The following MCM9 variants were observed in gnomAD, a reference collection of about 807,000 sequenced individuals.
MCM9 encodes the protein minichromosome maintenance 9 homologous recombination repair factor.
In MCM9, 55 loss-of-function variants were observed where a neutral mutation model predicts 72.8. That is an observed-to-expected ratio of 0.76 (90% CI 0.61 to 0.95). MCM9 has a LOEUF of 0.95. Among genes scored for constraint, MCM9 ranks in the 40% least tolerant of loss-of-function variants. The pLI is 0.00. For missense variants in MCM9, 1,279 were observed against 1,377.0 expected (o/e 0.93, Z 1.13); for synonymous variants, 480 against 503.4 (o/e 0.95, Z 0.62).
intron 7 of MCM9, 117 bp downstream of exon 7, chr6:118,913,178 T>A (rs1216836822): frequency 1.7e-6 from 2 of 1,200,568 alleles, no homozygotes; most frequent in Non-Finnish European, 2.3e-6. Flanking sequence ...AACTGTCAGT[T>A]TTATAAGATT....
At chr6:118,876,138 C>T (rs1777916813) in intron 8 of MCM9, among the ~76,000 whole-genome samples, 3 of 152,172 alleles carry the variant, frequency 2.0e-5, no homozygotes, top group African/African-American at 7.2e-5. Context: ...GAAAATACTA[C>T]ATACTGTATG....
chr6:118,826,118 G>A, intron 13 of MCM9, 29 bp downstream of exon 13: 1 of 1,535,036 alleles, frequency 6.5e-7, no homozygotes, highest in Non-Finnish European at 8.8e-7. Context: ...ATTTTCCATT[G>A]TATGCCTTTC....
intron 10 of MCM9, 132 bp downstream of exon 10, chr6:118,828,916 T>C (rs1471957965): frequency 5.3e-6 from 5 of 935,850 alleles, no homozygotes; most frequent in Admixed American, 2.7e-5. Context: ...CTGCTTTCTG[T>C]CTAAGCTTTT....
At chr6:118,852,891 CTATA>C (rs1776319009) in intron 9 of MCM9, among the ~76,000 whole-genome samples, 1 of 152,138 alleles carries the variant, frequency 6.6e-6, no homozygotes, top group African/African-American at 2.4e-5. Flanking sequence ...GAATAACAAA[CTATA>C]TAGCCTTTTG....
intron 8 of MCM9, among the ~76,000 whole-genome samples, chr6:118,882,437 C>T (rs1315820221): frequency 6.6e-6 from 1 of 152,156 alleles, no homozygotes; most frequent in Non-Finnish European, 1.5e-5. Flanking sequence ...AACCATAGGC[C>T]AGCTAGTTTA....
At chr6:118,859,337 T>C (rs973966959) in intron 8 of MCM9, among the ~76,000 whole-genome samples, 1 of 152,160 alleles carries the variant, frequency 6.6e-6, no homozygotes, top group African/African-American at 2.4e-5. Context: ...AGAAAATAGC[T>C]GTGAATTCTT....
rs765127216 is a variant in MCM9, at chr6:118,913,365, T to A, written c.960A>T (p.Val320=). The stretch of plus-strand genomic sequence containing the variant: ...CCAGCACCATGGCCACAGCAAGCTT[T>A]ACTAGATACATTCCAAACACTTGAG... ...LCPQVFGMYL[V]KLAVAMVLAG... Residue 320 remains valine, a synonymous_variant, in exon 7 of 14, where the codon GTA becomes GTT. Transcript: ENST00000619706. 5 of 1,614,018 alleles carry A rather than the reference T, an allele frequency of 3.1e-6. No individual in the cohort carries two copies. The Admixed American group carries it at 5.0e-5, about 16-fold the overall frequency.
chr6:118,923,029 C>CAAAAAAAAAAAAAAAAAAAAAAAAA, intron 4 of MCM9, among the ~76,000 whole-genome samples: 1 of 43,526 alleles, frequency 2.3e-5, no homozygotes, highest in Non-Finnish European at 5.1e-5. Flanking sequence ...AACTCCATCT[C>CAAAAAAAAAAAAAAAAAAAAAAAAA]AAAAAAAAAA....
At chr6:118,892,700 T>TTA (rs1176946120) in intron 8 of MCM9, among the ~76,000 whole-genome samples, 1 of 152,232 alleles carries the variant, frequency 6.6e-6, no homozygotes, top group Non-Finnish European at 1.5e-5. Context: ...TCACCATGGT[T>TTA]TGACTCTTAA....
chr6:118,856,669 A>T, intron 8 of MCM9, 124 bp from the exon 9 acceptor site: 3 of 992,088 alleles, frequency 3.0e-6, no homozygotes, highest in East Asian at 2.6e-5. Flanking sequence ...TCTTGAACAC[A>T]GGAGTTCGAG....
intron 8 of MCM9, among the ~76,000 whole-genome samples, chr6:118,871,887 CAGA>C (rs1311949436): frequency 1.3e-5 from 2 of 151,830 alleles, no homozygotes; most frequent in Admixed American, 6.6e-5. Flanking sequence ...AGCCTGGCGA[CAGA>C]AGGAGACTCC....
intron 3 of MCM9, among the ~76,000 whole-genome samples, chr6:118,930,197 G>C (rs1225619171): frequency 1.3e-5 from 2 of 152,004 alleles, no homozygotes; most frequent in African/African-American, 4.8e-5. Flanking sequence ...TGCAAGCTCC[G>C]CCTCCTGGGT....
chr6:118,848,376 GCC>G (rs1034090050), intron 9 of MCM9, among the ~76,000 whole-genome samples: 4 of 151,848 alleles, frequency 2.6e-5, no homozygotes, highest in African/African-American at 9.7e-5. Flanking sequence ...TAAAACGTAA[GCC>G]CTAGAATAGG....
At chr6:118,873,128 C>T (rs74202717) in intron 8 of MCM9, among the ~76,000 whole-genome samples, 105,849 of 144,976 alleles carry the variant, frequency 0.73, 39,544 homozygotes, top group South Asian at 0.82. Context: ...GCTGTGACTG[C>T]ACCACTGAAC....
chr6:118,843,920 A>C (rs376967707), intron 9 of MCM9, among the ~76,000 whole-genome samples: 4 of 148,834 alleles, frequency 2.7e-5, no homozygotes, highest in Non-Finnish European at 5.9e-5. Flanking sequence ...AGAGTTTCTG[A>C]AAATGATGTG....
intron 5 of MCM9, chr6:118,921,512 C>T (rs1214607079): frequency 6.6e-6 from 1 of 152,298 alleles, no homozygotes; most frequent in Non-Finnish European, 1.5e-5. Context: ...AGACTACAAT[C>T]AGTGACTCCA....
intron 13 of MCM9, among the ~76,000 whole-genome samples, chr6:118,820,826 T>A (rs577816223): frequency 6.6e-6 from 1 of 152,182 alleles, no homozygotes; most frequent in Non-Finnish European, 1.5e-5. Flanking sequence ...TGCATATATA[T>A]TTAGGATAGT....
chr6:118,922,364 T>G lies in MCM9; in HGVS notation c.622-278A>C, dbSNP rs571042318. On this transcript the variant is annotated intron_variant, in intron 4 of 13. Coordinates refer to ENST00000619706, the MANE Select transcript of MCM9 (RefSeq NM_017696.3). ...CGTATGCTCCAACTACTAAATTTAA[T>G]AACAAAGTTAACTTTATCTAGAAAA... Among the ~76,000 whole-genome samples the G allele has an allele frequency of 8.5e-5, 13 of 152,338 alleles. No individual in the cohort carries two copies. In the South Asian group the frequency reaches 2.7e-3, roughly 32 times the overall value.
chr6:118,856,205 C>T (rs768205070), intron 9 of MCM9, among the ~76,000 whole-genome samples, 166 bp downstream of exon 9: 1 of 152,206 alleles, frequency 6.6e-6, no homozygotes, highest in African/African-American at 2.4e-5. Flanking sequence ...TCCTCACACA[C>T]TTCTGTGGTC....
Sources: gnomAD v4.1 joint callset for allele counts (sites outside exome capture counted in the v4.1 genomes callset) on GRCh38, gnomAD v4.1.1 for gene constraint, MANE v1.5 for transcripts, NCBI Gene and HGNC (gene_info 2026-07-23, HGNC 2026-07-21) for gene names.